ADGRV1: variants seen among roughly 807,000 people sequenced by gnomAD.
ADGRV1 encodes the protein G-protein coupled receptor 98.
In ADGRV1, 359 loss-of-function variants were observed where a neutral mutation model predicts 596.2. That is an observed-to-expected ratio of 0.60 (90% CI 0.55 to 0.66). ADGRV1 has a LOEUF of 0.66. ADGRV1 is among the 30% of genes least tolerant of loss of function. The pLI is 0.00. For synonymous variants in ADGRV1, 2,681 were observed against 2,679.2 expected, an observed-to-expected ratio of 1.00 and a Z score of -0.02; for missense variants, 7,274 against 7,575.6, an observed-to-expected ratio of 0.96 and a Z score of 1.48.
At position 90,709,983 on chromosome 5, in the gene ADGRV1, G is replaced by A. The variant is rs976043776; in HGVS notation, c.8825-998G>A. Among the ~76,000 whole-genome samples, 7 of 152,188 alleles carry A rather than the reference G, an allele frequency of 4.6e-5. No individual in the cohort carries two copies. The East Asian group carries it at 5.8e-4, about 13-fold the overall frequency. On this transcript the variant is annotated intron_variant, in intron 39 of 89. Transcript: ENST00000405460. Reference sequence around the variant, plus strand: ...GGTAGCTTAGGCTAAGAGAAGCTGCGTAATATGCCCCAAATCACACAGCTG... The same window carrying A: ...GGTAGCTTAGGCTAAGAGAAGCTGCATAATATGCCCCAAATCACACAGCTG...
At chr5:91,072,010 A>G (rs1343939473) in intron 85 of ADGRV1, among the ~76,000 whole-genome samples, 2 of 152,156 alleles carry the variant, frequency 1.3e-5, no homozygotes, top group Non-Finnish European at 2.9e-5. Flanking sequence ...GAGACAGTTC[A>G]GAGAAGTTAA....
intron 86 of ADGRV1, among the ~76,000 whole-genome samples, chr5:91,084,944 CT>C (rs1175857162): frequency 6.6e-6 from 1 of 152,128 alleles, no homozygotes; most frequent in Admixed American, 6.5e-5. Flanking sequence ...ATGGATGAAG[CT>C]GGAAACCATC....
At chr5:91,089,987 T>C (rs1036261954) in intron 86 of ADGRV1, among the ~76,000 whole-genome samples, 1 of 152,206 alleles carries the variant, frequency 6.6e-6, no homozygotes, top group African/African-American at 2.4e-5. Context: ...AAGCCAGTCT[T>C]CAGTCATTAG....
At chr5:90,901,940 T>C (rs577077283) in intron 83 of ADGRV1, among the ~76,000 whole-genome samples, 1 of 152,220 alleles carries the variant, frequency 6.6e-6, no homozygotes, top group South Asian at 2.1e-4. Context: ...TAGTGGCCTC[T>C]TGGGATAGTG....
chr5:90,774,203 C>T lies in ADGRV1; in HGVS notation c.12303C>T (p.Thr4101=). The T allele has an allele frequency of 6.2e-7, 1 of 1,603,536 alleles. No individual in the cohort carries two copies. The highest frequency in any genetic ancestry group is 8.5e-7 in the Non-Finnish European group (1 of 1,172,262). The change falls in exon 60 of 90, where the codon ACC becomes ACT. Residue 4101 remains threonine (T), a synonymous_variant. Transcript: ENST00000405460. ...GGATGTAGACTGAGTCCCAGAAGAC[C>T]ATTGTGTTGCACACACTTCAAGACA... ...LHFDETESQK[T]IVLHTLQDTV... is the part of the protein sequence containing the mutation.
At chr5:90,859,903 GACCCT>G (rs1382763328) in intron 82 of ADGRV1, among the ~76,000 whole-genome samples, 1 of 148,196 alleles carries the variant, frequency 6.7e-6, no homozygotes, top group African/African-American at 2.5e-5. Context: ...AACATAGCGA[GACCCT>G]GTCTGTACAA....
chr5:90,702,354 G>GGT (rs1232293829), intron 34 of ADGRV1, among the ~76,000 whole-genome samples: 2 of 151,776 alleles, frequency 1.3e-5, no homozygotes, highest in Non-Finnish European at 3.0e-5. Flanking sequence ...CTAATGTAAA[G>GGT]GTAACTAATT....
At position 90,637,828 on chromosome 5, in the gene ADGRV1, T is replaced by C. The variant is rs1243893017; in HGVS notation, c.2120T>C (p.Ile707Thr). The C allele has an allele frequency of 6.2e-7, 1 of 1,613,732 alleles. No individual in the cohort carries two copies. The highest frequency in any genetic ancestry group is 8.5e-7 in the Non-Finnish European group (1 of 1,179,778). ...TCAAAAGCAGTGACCCCGGATGATA[T>C]AGGCCCCTTTAATGGCTCTGTTTTG... is the stretch of plus-strand genomic sequence containing the variant. ...FNSKAVTPDDIGPFNGSVLFL... is the reference protein window; with the variant it reads ...FNSKAVTPDDTGPFNGSVLFL... Residue 707 changes from isoleucine to threonine, a missense_variant, in exon 11 of 90, where the codon ATA becomes ACA. By Grantham distance (89) the Ile-to-Thr change is moderately conservative (BLOSUM62 -1). This residue lies in a region of ADGRV1 where 1,715 missense variants were observed against 1,708.8 expected (regional missense o/e 1.00). Coordinates refer to ENST00000405460, the MANE Select transcript of ADGRV1 (RefSeq NM_032119.4).
At position 90,756,590 on chromosome 5, in the gene ADGRV1, A is replaced by G. The variant is rs772098132; in HGVS notation, c.11717A>G (p.Asn3906Ser). 6.2e-7 allele frequency: 1 copy of G among 1,613,838 alleles called. No individual in the cohort carries two copies. The highest frequency in any genetic ancestry group is 8.5e-7 in the Non-Finnish European group (1 of 1,179,748). Residue 3906 changes from asparagine (N) to serine (S), a missense_variant, in exon 56 of 90, where the codon AAT becomes AGT. Coordinates refer to ENST00000405460, the MANE Select transcript of ADGRV1 (RefSeq NM_032119.4). Reference protein sequence around the residue: ...MEIAEIMIEENDDPRGIFMFH... With the variant: ...MEIAEIMIEESDDPRGIFMFH... The stretch of plus-strand genomic sequence containing the variant: ...ATAGCTGAGATAATGATAGAAGAAA[A>G]TGACGATCCCAGAGGAATTTTTATG...
intron 77 of ADGRV1, 100 bp downstream of exon 77, chr5:90,829,286 G>A: frequency 9.6e-7 from 1 of 1,039,454 alleles, no homozygotes; most frequent in Non-Finnish European, 1.3e-6. Flanking sequence ...ATTTTCTGAG[G>A]ATAACATCGT....
At chr5:91,159,263 A>T (rs1796741034) in intron 89 of ADGRV1, among the ~76,000 whole-genome samples, 1 of 152,170 alleles carries the variant, frequency 6.6e-6, no homozygotes, top group Non-Finnish European at 1.5e-5. Context: ...ACTTCTTTAC[A>T]AGCATTTACA....
rs770626190 is a variant in ADGRV1 at position 90,614,844 on chromosome 5, C to G, written c.32C>G (p.Ser11Cys). 6.2e-7 allele frequency: 1 copy of G among 1,608,168 alleles called. No individual in the cohort carries two copies. The highest frequency in any genetic ancestry group is 1.1e-5 in the South Asian group (1 of 90,632). Residue 11 changes from serine to cysteine, a missense_variant, in exon 2 of 90, where the codon TCT (serine) becomes TGT (cysteine). Physicochemically the swap from Ser to Cys is moderately radical, Grantham distance 112. Around this residue, in one of 5 missense-constraint regions of ADGRV1, gnomAD observed 1,715 missense variants for 1,708.8 expected, o/e 1.00. Transcript: ENST00000405460. MSVFLGPGMP[S>C]ASLLVNLLSA... The stretch of plus-strand genomic sequence containing the variant: ...TTTCTTTTTGTTTTAGGGATGCCCT[C>G]TGCATCTTTATTAGTAAATCTTCTT...
intron 84 of ADGRV1, among the ~76,000 whole-genome samples, chr5:90,972,510 C>T (rs1299177892): frequency 6.6e-6 from 1 of 152,172 alleles, no homozygotes; most frequent in African/African-American, 2.4e-5. Flanking sequence ...GTCTCTCAGA[C>T]CACAGTGCAA....
chr5:91,102,814 C>A (rs1012724508), intron 87 of ADGRV1, among the ~76,000 whole-genome samples: 4 of 152,122 alleles, frequency 2.6e-5, no homozygotes, highest in African/African-American at 9.7e-5. Flanking sequence ...TCCCCTAAGT[C>A]CAGCAGTGCC....
intron 20 of ADGRV1, among the ~76,000 whole-genome samples, chr5:90,657,041 T>G (rs981079294): frequency 6.6e-6 from 1 of 152,074 alleles, no homozygotes; most frequent in Non-Finnish European, 1.5e-5. Context: ...TTATGAATTC[T>G]CACAACTTTA....
chr5:90,956,272 G>C (rs1330988982), intron 83 of ADGRV1, among the ~76,000 whole-genome samples: 1 of 152,086 alleles, frequency 6.6e-6, no homozygotes, highest in Non-Finnish European at 1.5e-5. Context: ...TGTATCAGTT[G>C]TATTCAGATT....
intron 83 of ADGRV1, among the ~76,000 whole-genome samples, chr5:90,934,137 T>G (rs1775484293): frequency 6.6e-6 from 1 of 152,194 alleles, no homozygotes; most frequent in Admixed American, 6.5e-5. Flanking sequence ...CACCTCATTT[T>G]TTCACTCTCT....
chr5:90,914,088 C>G (rs1773135167), intron 83 of ADGRV1, among the ~76,000 whole-genome samples: 1 of 152,104 alleles, frequency 6.6e-6, no homozygotes, highest in Admixed American at 6.6e-5. Context: ...TTGAATATCC[C>G]TTATCCAAAA....
At chr5:91,007,007 T>G (rs1782336221) in intron 85 of ADGRV1, among the ~76,000 whole-genome samples, 5 of 152,176 alleles carry the variant, frequency 3.3e-5, no homozygotes. Context: ...AAATTAAATC[T>G]CATCTGAACT....
Sources: allele counts gnomAD v4.1 joint callset (sites outside exome capture counted in the v4.1 genomes callset), GRCh38; gene constraint gnomAD v4.1.1; regional missense constraint gnomAD v4.1.1; transcripts MANE v1.5; gene names NCBI Gene and HGNC (gene_info 2026-07-23, HGNC 2026-07-21).